The following LRRC49 variants were observed in gnomAD, a reference collection of about 807,000 sequenced individuals.
LRRC49 encodes the protein leucine-rich repeat-containing protein 49.
Under a neutral mutation model 83.3 loss-of-function variants are expected in LRRC49, and 50 were observed. The ratio of observed to expected loss-of-function variants is 0.60; its 90% CI spans 0.48 to 0.76. LRRC49 has a LOEUF of 0.76. Among genes scored for constraint, LRRC49 ranks in the 30% least tolerant of loss-of-function variants. The probability of loss-of-function intolerance (pLI) is 0.00; values close to 1 mark genes in which losing one functional copy is unlikely to be tolerated. For missense variants in LRRC49, 704 were observed against 809.1 expected, an observed-to-expected ratio of 0.87 and a Z score of 1.58; for synonymous variants, 286 against 283.3, an observed-to-expected ratio of 1.01 and a Z score of -0.10.
At chr15:70,900,657 G>T in intron 3 of LRRC49, 1 of 482,150 alleles carries the variant, frequency 2.1e-6, no homozygotes. Context: ...AAGGGATGAA[G>T]ATAGCACTGG....
chr15:70,935,587 A>G (rs899695645), intron 7 of LRRC49, among the ~76,000 whole-genome samples: 1 of 152,206 alleles, frequency 6.6e-6, no homozygotes, highest in African/African-American at 2.4e-5. Flanking sequence ...AAGAAAGACG[A>G]TGATTTATGG....
upstream of LRRC49, among the ~76,000 whole-genome samples, chr15:70,891,616 T>TGTGTGA (rs2033572723): frequency 8.1e-6 from 1 of 124,154 alleles, no homozygotes; most frequent in Middle Eastern, 3.8e-3. Context: ...TGTGTGTGTG[T>TGTGTGA]GTGAGTTTTG....
intron 14 of LRRC49, among the ~76,000 whole-genome samples, chr15:71,035,446 A>G (rs887839931): frequency 2.6e-5 from 4 of 151,666 alleles, no homozygotes; most frequent in African/African-American, 9.7e-5. Flanking sequence ...TGCTCCACCC[A>G]TCAACCTGTC....
At chr15:70,993,295 C>G (rs552104042) in intron 11 of LRRC49, among the ~76,000 whole-genome samples, 1 of 152,310 alleles carries the variant, frequency 6.6e-6, no homozygotes, top group East Asian at 1.9e-4. Context: ...CTTCCCTTGG[C>G]TAGGAAAGGG....
chr15:70,871,826 T>G (rs1255751372), intron 1 of LRRC49, among the ~76,000 whole-genome samples: 1 of 125,288 alleles, frequency 8.0e-6, no homozygotes, highest in East Asian at 2.6e-4. Context: ...GCTCCCCACA[T>G]CTCAGACGAT....
intron 14 of LRRC49, among the ~76,000 whole-genome samples, chr15:71,029,015 C>G (rs2039263880): frequency 6.6e-6 from 1 of 152,138 alleles, no homozygotes; most frequent in Middle Eastern, 3.2e-3. Flanking sequence ...TCTTGTTTCT[C>G]TAGTTCTTTT....
At chr15:70,859,025 T>G (rs980279319) in intron 1 of LRRC49, 1 of 1,262,480 alleles carries the variant, frequency 7.9e-7, no homozygotes, top group African/African-American at 1.5e-5. Flanking sequence ...GTTTGCCTCC[T>G]TCATAGACAA....
chr15:71,022,243 C>T (rs182006919), intron 14 of LRRC49, among the ~76,000 whole-genome samples: 23 of 152,016 alleles, frequency 1.5e-4, no homozygotes, highest in Middle Eastern at 3.4e-3. Context: ...TGTGGTGGAA[C>T]GTGCCTGTAA....
At chr15:70,908,525 G>C (rs930227742) in intron 5 of LRRC49, 7 of 152,894 alleles carry the variant, frequency 4.6e-5, no homozygotes, top group African/African-American at 1.7e-4. Context: ...GGTGTCAGTT[G>C]GTCTACCAGA....
At chr15:71,008,280 A>T (rs2038530130) in intron 11 of LRRC49, 99 bp from the exon 12 acceptor site, 3 of 679,324 alleles carry the variant, frequency 4.4e-6, no homozygotes, top group Non-Finnish European at 7.6e-6. Flanking sequence ...GAAATGAAAA[A>T]AGAATATAAA....
chr15:70,873,541 C>A (rs140409452), intron 2 of LRRC49, among the ~76,000 whole-genome samples: 13 of 152,116 alleles, frequency 8.5e-5, no homozygotes, highest in African/African-American at 1.4e-4. Flanking sequence ...GCATGCTTGG[C>A]GGATTTGCTG....
chr15:70,856,397 G>GGAATGGGTAGTCTGGCAGAGTACCCAA (rs1343038579), intron 1 of LRRC49, among the ~76,000 whole-genome samples: 15 of 152,124 alleles, frequency 9.9e-5, no homozygotes, highest in African/African-American at 3.6e-4. Flanking sequence ...CTCCTGGTAG[G>GGAATGGGTAGTCTGGCAGAGTACCCAA]GAATGGGTAG....
At chr15:70,967,736 T>G (rs979038620) in intron 9 of LRRC49, among the ~76,000 whole-genome samples, 4 of 152,090 alleles carry the variant, frequency 2.6e-5, no homozygotes, top group Non-Finnish European at 5.9e-5. Flanking sequence ...GTTTGCCCAT[T>G]GTAGTATGAA....
At chr15:70,988,026 T>A (rs2037699058) in intron 11 of LRRC49, among the ~76,000 whole-genome samples, 1 of 152,138 alleles carries the variant, frequency 6.6e-6, no homozygotes, top group South Asian at 2.1e-4. Flanking sequence ...TCTGATCTTT[T>A]ACATTTGCTG....
At chr15:70,933,383 A>G (rs1490873480) in intron 7 of LRRC49, among the ~76,000 whole-genome samples, 1 of 152,144 alleles carries the variant, frequency 6.6e-6, no homozygotes, top group Non-Finnish European at 1.5e-5. Flanking sequence ...GTATGTTAAC[A>G]TTCTGGCTTC....
At chr15:70,943,212 T>C (rs1361075395) in intron 8 of LRRC49, among the ~76,000 whole-genome samples, 1 of 152,120 alleles carries the variant, frequency 6.6e-6, no homozygotes. Context: ...GTGATACTTA[T>C]TATAGAACTA....
chr15:70,994,936 A>T (rs189477554), intron 11 of LRRC49, among the ~76,000 whole-genome samples: 29 of 152,360 alleles, frequency 1.9e-4, no homozygotes, highest in Non-Finnish European at 3.5e-4. Context: ...AGAGGGAGCT[A>T]ACTGGGAAAA....
chr15:70,857,284 G>T (rs549803948), intron 1 of LRRC49, among the ~76,000 whole-genome samples: 1 of 152,246 alleles, frequency 6.6e-6, no homozygotes, highest in Non-Finnish European at 1.5e-5. Flanking sequence ...AGTGTGCCTG[G>T]CACTACAGCT....
intron 3 of LRRC49, chr15:70,900,317 T>C (rs2034016498): frequency 2.6e-6 from 1 of 378,138 alleles, no homozygotes; most frequent in Admixed American, 3.3e-5. Flanking sequence ...TTTACTGACA[T>C]CCACTTTGGT....
Sources: gnomAD v4.1 joint callset for allele counts (sites outside exome capture counted in the v4.1 genomes callset) on GRCh38, gnomAD v4.1.1 for gene constraint, MANE v1.5 for transcripts, NCBI Gene and HGNC (gene_info 2026-07-23, HGNC 2026-07-21) for gene names.